Variants in UBASH3B observed in about 807,000 individuals in gnomAD.
UBASH3B encodes the protein ubiquitin-associated and SH3 domain-containing protein B.
A neutral mutation model predicts 83.4 loss-of-function variants in UBASH3B; 37 were observed. The ratio of observed to expected loss-of-function variants is 0.44; its 90% confidence interval spans 0.34 to 0.58. The LOEUF (loss-of-function observed/expected upper bound fraction) is 0.58. UBASH3B is among the 20% of genes least tolerant of loss of function. The pLI is 0.01. For missense variants in UBASH3B, 657 were observed against 827.2 expected, an observed-to-expected ratio of 0.79 and a Z score of 2.52; for synonymous variants, 304 against 318.3, an observed-to-expected ratio of 0.96 and a Z score of 0.48.
At chr11:122,788,115 G>A (rs1860985866) in intron 5 of UBASH3B, among the ~76,000 whole-genome samples, 2 of 152,290 alleles carry the variant, frequency 1.3e-5, no homozygotes, top group Non-Finnish European at 2.9e-5. Context: ...TTGGCCTGGG[G>A]GCTGTTTCGG....
intron 1 of UBASH3B, chr11:122,775,799 A>G (rs1400953011): frequency 1.3e-5 from 2 of 158,984 alleles, no homozygotes; most frequent in Non-Finnish European, 2.7e-5. Flanking sequence ...AAAAAAGAAA[A>G]CCATCAGCAC....
intron 1 of UBASH3B, among the ~76,000 whole-genome samples, chr11:122,703,694 GT>G (rs1322945497): frequency 6.6e-6 from 1 of 152,202 alleles, no homozygotes; most frequent in Non-Finnish European, 1.5e-5. Context: ...ATAATGTATT[GT>G]TTTATTGTAC....
intron 1 of UBASH3B, among the ~76,000 whole-genome samples, chr11:122,668,850 T>C (rs1442493441): frequency 6.6e-6 from 1 of 152,178 alleles, no homozygotes; most frequent in East Asian, 1.9e-4. Flanking sequence ...TTGTGTGGTA[T>C]TTAGTGGGCT....
intron 1 of UBASH3B, among the ~76,000 whole-genome samples, chr11:122,772,880 C>T (rs1860671802): frequency 6.6e-6 from 1 of 152,196 alleles, no homozygotes; most frequent in East Asian, 1.9e-4. Context: ...ATGAGCCCTA[C>T]ACATAATCAG....
intron 1 of UBASH3B, among the ~76,000 whole-genome samples, chr11:122,730,567 C>CG (rs1860825786): frequency 6.6e-6 from 1 of 151,916 alleles, no homozygotes; most frequent in South Asian, 2.1e-4. Context: ...CTTCTCAGCC[C>CG]GCTGTGATGC....
At chr11:122,676,164 G>T (rs1056464358) in intron 1 of UBASH3B, among the ~76,000 whole-genome samples, 3 of 152,144 alleles carry the variant, frequency 2.0e-5, no homozygotes, top group African/African-American at 7.2e-5. Flanking sequence ...CACTTTGAGA[G>T]GCTGAGGCAA....
At chr11:122,794,101 A>G (rs1252170237) in intron 6 of UBASH3B, among the ~76,000 whole-genome samples, 1 of 152,244 alleles carries the variant, frequency 6.6e-6, no homozygotes, top group Non-Finnish European at 1.5e-5. Context: ...GGTGCCAACC[A>G]TGCATGGCAC....
At chr11:122,670,307 C>T (rs748863866) in intron 1 of UBASH3B, among the ~76,000 whole-genome samples, 2 of 152,130 alleles carry the variant, frequency 1.3e-5, no homozygotes, top group Non-Finnish European at 2.9e-5. Flanking sequence ...CCAGCCTCCA[C>T]CTGCTGCTGC....
chr11:122,707,044 G>C (rs547474177), intron 1 of UBASH3B, among the ~76,000 whole-genome samples: 19 of 152,148 alleles, frequency 1.2e-4, no homozygotes, highest in African/African-American at 4.3e-4. Context: ...CTTTTTTTGT[G>C]ATTAAAACAT....
intron 1 of UBASH3B, among the ~76,000 whole-genome samples, chr11:122,762,070 G>A (rs1861379926): frequency 2.0e-5 from 3 of 151,970 alleles, no homozygotes; most frequent in Admixed American, 2.0e-4. Context: ...GGGATTACAG[G>A]CGTGAGCCAC....
chr11:122,695,936 T>A (rs1279371416), intron 1 of UBASH3B, among the ~76,000 whole-genome samples: 1 of 152,102 alleles, frequency 6.6e-6, no homozygotes, highest in Non-Finnish European at 1.5e-5. Context: ...AACCAAATAG[T>A]TTTTTTATTT....
chr11:122,762,254 C>A (rs1008346832), intron 1 of UBASH3B, among the ~76,000 whole-genome samples: 1 of 152,182 alleles, frequency 6.6e-6, no homozygotes, highest in African/African-American at 2.4e-5. Context: ...TAATAGTTCA[C>A]TGCATACAAA....
intron 6 of UBASH3B, among the ~76,000 whole-genome samples, chr11:122,790,421 G>C (rs1372492260): frequency 6.6e-6 from 1 of 152,126 alleles, no homozygotes; most frequent in Admixed American, 6.6e-5. Flanking sequence ...GGTCAAAGCT[G>C]TCTTATGTTC....
intron 11 of UBASH3B, among the ~76,000 whole-genome samples, chr11:122,804,978 G>T (rs1200256961): frequency 6.6e-6 from 1 of 152,196 alleles, no homozygotes; most frequent in African/African-American, 2.4e-5. Flanking sequence ...TGGGTTTGAA[G>T]ACATGCAGGG....
chr11:122,789,598 G>T (rs1190251225), intron 6 of UBASH3B, among the ~76,000 whole-genome samples: 5 of 152,154 alleles, frequency 3.3e-5, no homozygotes, highest in Non-Finnish European at 7.3e-5. Flanking sequence ...TCATCCCAGT[G>T]CTGCGTCTTC....
chr11:122,740,220 T>G (rs1861002488), intron 1 of UBASH3B, among the ~76,000 whole-genome samples: 1 of 152,094 alleles, frequency 6.6e-6, no homozygotes, highest in Non-Finnish European at 1.5e-5. Context: ...TGTGAATAGG[T>G]TAATTTGGAG....
chr11:122,670,720 C>A (rs1318857667), intron 1 of UBASH3B, among the ~76,000 whole-genome samples: 2 of 152,080 alleles, frequency 1.3e-5, no homozygotes, highest in Non-Finnish European at 2.9e-5. Flanking sequence ...CCTCCCCAGC[C>A]TCCTCAAGAC....
At chr11:122,701,987 G>C (rs1203724812) in intron 1 of UBASH3B, among the ~76,000 whole-genome samples, 1 of 152,084 alleles carries the variant, frequency 6.6e-6, no homozygotes, top group Non-Finnish European at 1.5e-5. Context: ...CCAAAATGCT[G>C]GGATTACAAG....
intron 1 of UBASH3B, among the ~76,000 whole-genome samples, chr11:122,711,974 AGGACAGCCCGCAGCTTCCC>A (rs1416790349): frequency 6.6e-6 from 1 of 152,082 alleles, no homozygotes; most frequent in Non-Finnish European, 1.5e-5. Flanking sequence ...CCATCTAGAA[AGGACAGCCCGCAGCTTCCC>A]CTTGGTTTGA....
Sources: allele counts gnomAD v4.1 joint callset (sites outside exome capture counted in the v4.1 genomes callset), GRCh38; gene constraint gnomAD v4.1.1; transcripts MANE v1.5; gene names NCBI Gene and HGNC (gene_info 2026-07-23, HGNC 2026-07-21).